AKAP13: variants seen among roughly 807,000 people sequenced by gnomAD.
AKAP13 encodes the protein A-kinase anchoring protein 13.
A neutral mutation model predicts 264.5 loss-of-function variants in AKAP13; 80 were observed. That is an observed-to-expected ratio of 0.30 (90% confidence interval 0.25 to 0.36). The LOEUF is 0.36. Among genes scored for constraint, AKAP13 ranks in the 10% least tolerant of loss-of-function variants. The probability of loss-of-function intolerance (pLI) is 1.00; values close to 1 mark genes in which losing one functional copy is unlikely to be tolerated. For missense variants in AKAP13, 3,712 were observed against 3,435.2 expected, an observed-to-expected ratio of 1.08 and a Z score of -2.01; for synonymous variants, 1,380 against 1,250.2, an observed-to-expected ratio of 1.10 and a Z score of -2.19.
At position 85,398,429 on chromosome 15, in the gene AKAP13, G is replaced by T. The variant is rs150515981; in HGVS notation, c.-12+17631G>T. On this transcript the variant is annotated intron_variant, in intron 1 of 36. Coordinates refer to ENST00000394518, the MANE Select transcript of AKAP13 (RefSeq NM_007200.5). ...TTTTTCTTTCCAAACTTGAAAACTT[G>T]TAGAGAGAGAGTGTGTGTATGTACA... 1.7e-3 allele frequency among the ~76,000 whole-genome samples: 265 copies of T among 152,280 alleles called. 1 individual carries two copies. Among genetic ancestry groups the T allele is most frequent in the African/African-American group, 6.1e-3 (255 of 41,568 alleles).
chr15:85,629,764 C>CTTTT (rs773396099), intron 8 of AKAP13, among the ~76,000 whole-genome samples: 1,728 of 50,552 alleles, frequency 0.034, 391 homozygotes, highest in Non-Finnish European at 0.048. Flanking sequence ...CCTTTACAGC[C>CTTTT]TTTTTTTTTT....
At chr15:85,499,740 C>G (rs1295250615) in intron 2 of AKAP13, among the ~76,000 whole-genome samples, 1 of 152,070 alleles carries the variant, frequency 6.6e-6, no homozygotes, top group African/African-American at 2.4e-5. Flanking sequence ...TGGAGCCCCT[C>G]CTGAGCTTTC....
At chr15:85,473,429 A>G (rs1446510257) in intron 1 of AKAP13, among the ~76,000 whole-genome samples, 1 of 152,234 alleles carries the variant, frequency 6.6e-6, no homozygotes, top group Non-Finnish European at 1.5e-5. Flanking sequence ...GAGATTATAG[A>G]TAGAATGAAC....
chr15:85,740,963 C>G (rs2088930635), intron 34 of AKAP13, 83 bp from the exon 35 acceptor site: 2 of 1,516,746 alleles, frequency 1.3e-6, no homozygotes, highest in Admixed American at 4.4e-5. Flanking sequence ...GCCTGGTGCC[C>G]CCTGCTGTGG....
At chr15:85,654,988 T>TA (rs1394086181) in intron 10 of AKAP13, among the ~76,000 whole-genome samples, 1 of 152,122 alleles carries the variant, frequency 6.6e-6, no homozygotes, top group Non-Finnish European at 1.5e-5. Flanking sequence ...AGTTAGGCGT[T>TA]ACAGACCAGC....
chr15:85,496,641 A>G (rs763147177), intron 2 of AKAP13, among the ~76,000 whole-genome samples: 1 of 152,210 alleles, frequency 6.6e-6, no homozygotes, highest in South Asian at 2.1e-4. Context: ...ATGCATTTCC[A>G]CAGCAGGCTC....
chr15:85,644,254 T>G (rs2082442084), intron 9 of AKAP13, among the ~76,000 whole-genome samples: 1 of 146,732 alleles, frequency 6.8e-6, no homozygotes, highest in African/African-American at 2.5e-5. Context: ...TTTTTGGAAA[T>G]GAAGTTGCTC....
chr15:85,463,435 C>A (rs2074600685), intron 1 of AKAP13, among the ~76,000 whole-genome samples: 1 of 152,172 alleles, frequency 6.6e-6, no homozygotes, highest in Non-Finnish European at 1.5e-5. Context: ...TGACTGATTT[C>A]AGTTGCTGTA....
In AKAP13 at chr15:85,717,400, A is replaced by G. The variant is rs765716984; in HGVS notation, c.5846A>G (p.Glu1949Gly). 2.5e-6 allele frequency: 4 copies of G among 1,605,666 alleles called. No individual in the cohort carries two copies. Among genetic ancestry groups the G allele is most frequent in the Non-Finnish European group, 3.4e-6 (4 of 1,173,282 alleles). The change falls in exon 21 of 37, where the codon GAG becomes GGG. Residue 1949 changes from glutamate to glycine, a missense_variant and splice_region_variant. By Grantham distance (98) the Glu-to-Gly change is moderately conservative (BLOSUM62 -2). This residue lies in a region of AKAP13 where 2,759 missense variants were observed against 2,411.7 expected (regional missense o/e 1.14). Transcript: ENST00000394518. ...GAGTCAACAGAATCACTTACTGATG[A>G]GGGTAAGAGGAAGTTATGGCCTTTA... is the stretch of plus-strand genomic sequence containing the variant. ...VNESTESLTD[E>G]GVGTDMNEGQ...
At chr15:85,562,339 C>CG (rs966230546) in intron 5 of AKAP13, among the ~76,000 whole-genome samples, 3 of 151,446 alleles carry the variant, frequency 2.0e-5, no homozygotes, top group Non-Finnish European at 2.9e-5. Flanking sequence ...CCGAGGCGTG[C>CG]GGATCACCTG....
intron 7 of AKAP13, 41 bp from the exon 8 acceptor site, chr15:85,585,661 A>C (rs2079310376): frequency 6.2e-7 from 1 of 1,612,320 alleles, no homozygotes; most frequent in South Asian, 1.1e-5. Flanking sequence ...CACAGGAATC[A>C]GTTTTTAAAA....
At chr15:85,526,798 C>G (rs16940963) in intron 3 of AKAP13, among the ~76,000 whole-genome samples, 1 of 152,150 alleles carries the variant, frequency 6.6e-6, no homozygotes, top group South Asian at 2.1e-4. Context: ...TTCTGAAATA[C>G]TCTCAAGCTA....
chr15:85,730,456 C>G (rs1288771854), intron 29 of AKAP13, 57 bp from the exon 30 acceptor site: 1 of 1,548,268 alleles, frequency 6.5e-7, no homozygotes, highest in Non-Finnish European at 8.8e-7. Context: ...GTGTCTTAGT[C>G]ATTCTCGTAA....
chr15:85,456,996 G>A (rs1265619285), intron 1 of AKAP13, among the ~76,000 whole-genome samples: 1 of 152,152 alleles, frequency 6.6e-6, no homozygotes, highest in African/African-American at 2.4e-5. Context: ...ACCAACTGTA[G>A]CGAGACATTC....
intron 14 of AKAP13, among the ~76,000 whole-genome samples, chr15:85,671,738 G>T (rs572147773): frequency 6.6e-6 from 1 of 151,876 alleles, no homozygotes; most frequent in African/African-American, 2.4e-5. Context: ...AAGCCAGAAT[G>T]CTAGCACTCA....
intron 16 of AKAP13, chr15:85,691,892 CT>C: frequency 2.1e-6 from 1 of 484,338 alleles, no homozygotes; most frequent in Non-Finnish European, 4.1e-6. Context: ...GGAAGCTTAT[CT>C]TTCCAACCTA....
chr15:85,710,055 G>A (rs534153752), intron 18 of AKAP13, among the ~76,000 whole-genome samples: 14 of 152,282 alleles, frequency 9.2e-5, no homozygotes, highest in Middle Eastern at 6.8e-3. Flanking sequence ...AATCGCTTCA[G>A]TGTATAATCT....
intron 23 of AKAP13, among the ~76,000 whole-genome samples, chr15:85,720,407 T>C (rs973261436): frequency 6.6e-6 from 1 of 152,218 alleles, no homozygotes; most frequent in Non-Finnish European, 1.5e-5. Flanking sequence ...TAATAAAATA[T>C]GTATTGTTGA....
rs568037326 is a variant in AKAP13 at position 85,384,492 on chromosome 15, G to A, written c.-12+3694G>A. On this transcript the variant is annotated intron_variant, in intron 1 of 36. Coordinates refer to ENST00000394518, the MANE Select transcript of AKAP13 (RefSeq NM_007200.5). ...AGCACTTTGGGAGGCTGAGGCGGGC[G>A]GATCACTTGAGGTCAGGAGTTCAAG... Among the ~76,000 whole-genome samples, 4 of 152,190 alleles carry A rather than the reference G, an allele frequency of 2.6e-5. No homozygotes were observed. In the South Asian group the frequency reaches 6.2e-4, roughly 24 times the overall value.
Sources: allele counts gnomAD v4.1 joint callset (sites outside exome capture counted in the v4.1 genomes callset), GRCh38; gene constraint gnomAD v4.1.1; regional missense constraint gnomAD v4.1.1; transcripts MANE v1.5; gene names NCBI Gene and HGNC (gene_info 2026-07-23, HGNC 2026-07-21).